HCN2: variants seen among roughly 807,000 people sequenced by gnomAD.
HCN2 encodes the protein potassium/sodium hyperpolarization-activated cyclic nucleotide-gated channel 2.
In HCN2, 20 loss-of-function variants were observed where a neutral mutation model predicts 52.3. The ratio of observed to expected loss-of-function variants is 0.38; its 90% confidence interval spans 0.27 to 0.56. The LOEUF (loss-of-function observed/expected upper bound fraction) is 0.56. Among genes scored for constraint, HCN2 ranks in the 20% least tolerant of loss-of-function variants. HCN2 has a pLI of 0.71. For synonymous variants in HCN2, 694 were observed against 537.0 expected (o/e 1.29, Z -4.04); for missense variants, 981 against 1,207.7 (o/e 0.81, Z 2.78).
intron 1 of HCN2, among the ~76,000 whole-genome samples, chr19:600,998 C>T (rs959471345): frequency 2.0e-5 from 3 of 152,142 alleles, no homozygotes; most frequent in African/African-American, 4.8e-5. Flanking sequence ...TCTGGATTGG[C>T]CTGTCCTGGA....
intron 1 of HCN2, among the ~76,000 whole-genome samples, chr19:593,192 C>T (rs1478236891): frequency 6.6e-6 from 1 of 152,220 alleles, no homozygotes; most frequent in Non-Finnish European, 1.5e-5. Context: ...CTCTTTCACG[C>T]CCCACGTCCC....
In HCN2 at chr19:613,704, C is replaced by CATGGGGAT. The variant is rs1983766377; in HGVS notation, c.1826-148_1826-147insATGGGGAT. 6 of 276,152 alleles carry CATGGGGAT rather than the reference C, an allele frequency of 2.2e-5. 1 individual carries two copies. Among genetic ancestry groups the CATGGGGAT allele is most frequent in the Non-Finnish European group, 2.8e-5 (6 of 217,124 alleles). 17.1% of individuals were successfully genotyped at this position (276,152 alleles called of 1,614,324 possible). A position where few individuals can be genotyped will look rare whatever the true frequency, so the allele number is the denominator to read the frequency against. On this transcript the variant is annotated intron_variant, in intron 6 of 7. Coordinates refer to ENST00000251287, the MANE Select transcript of HCN2 (RefSeq NM_001194.4). ...CCGGGGATGGGGCCGGGGATGGGGCCGGGGATGGGGCCGGGGCCGGCACCA... is the reference window on the plus strand; with the variant it reads ...CCGGGGATGGGGCCGGGGATGGGGCCATGGGGATGGGGATGGGGCCGGGGCCGGCACCA...
In HCN2 at chr19:590,234, A is replaced by G; in HGVS notation, c.289A>G (p.Ser97Gly). 1 of 988,802 alleles carries G rather than the reference A, an allele frequency of 1.0e-6. No individual in the cohort carries two copies. Among genetic ancestry groups the G allele is most frequent in the Non-Finnish European group, 1.2e-6 (1 of 833,986 alleles). 61.3% of individuals were successfully genotyped at this position (988,802 alleles called of 1,614,324 possible). A position where few individuals can be genotyped will look rare whatever the true frequency, so the allele number is the denominator to read the frequency against. The change falls in exon 1 of 8, where the codon AGC becomes GGC. Residue 97 changes from serine (S) to glycine (G), a missense_variant. Around this residue, in one of 6 missense-constraint regions of HCN2, gnomAD observed 215 missense variants for 179.4 expected, o/e 1.20. Transcript: ENST00000251287. This position sits in a 1 kb window ranked among gnomAD's most constrained non-coding sequence, Gnocchi z 7.2. ...TPGAASTAKG[S>G]PNGECGRGEP... ...GGGCGCGGCGAGCACGGCCAAGGGC[A>G]GCCCGAACGGCGAGTGCGGGCGCGG...
In HCN2 at chr19:610,185, A is replaced by G. The variant is rs1983565158; in HGVS notation, c.1438-74A>G. 6 of 1,509,424 alleles carry G rather than the reference A, an allele frequency of 4.0e-6. No homozygotes were observed. In the Admixed American group the frequency reaches 7.0e-5, roughly 18 times the overall value. 93.5% of individuals were successfully genotyped at this position (1,509,424 alleles called of 1,614,324 possible). A position where few individuals can be genotyped will look rare whatever the true frequency, so the allele number is the denominator to read the frequency against. ...GTCTGACCCAGCCTCGCCTCCCCAC[A>G]GTACAAGCAGGTGCCCCTGTGCCCG... On this transcript the variant is annotated intron_variant, in intron 4 of 7. Transcript: ENST00000251287.
intron 4 of HCN2, 39 bp downstream of exon 4, chr19:608,221 G>A: frequency 1.3e-6 from 2 of 1,578,674 alleles, no homozygotes; most frequent in Non-Finnish European, 1.7e-6. Flanking sequence ...TTCTGATGGG[G>A]GAGGCGGGCC....
Position 610,334 on chromosome 19 carries a change from G to A in HCN2, c.1513G>A (p.Glu505Lys), listed in dbSNP as rs780035363. ...DFRQKIHDYY[E>K]HRYQGKMFDE... is the part of the protein sequence containing the mutation. ...CCGCCAGAAGATCCACGACTACTAT[G>A]AGCACCGTTACCAGGGCAAGATGTT... The change falls in exon 5 of 8, where the codon GAG becomes AAG. Residue 505 changes from glutamate (E) to lysine (K), a missense_variant. Coordinates refer to ENST00000251287, the MANE Select transcript of HCN2 (RefSeq NM_001194.4). The A allele has an allele frequency of 6.2e-7, 1 of 1,613,838 alleles. No homozygotes were observed. The highest frequency in any genetic ancestry group is 8.5e-7 in the Non-Finnish European group (1 of 1,179,814).
At chr19:614,383 C>G (rs1983808511) in intron 7 of HCN2, among the ~76,000 whole-genome samples, 1 of 152,158 alleles carries the variant, frequency 6.6e-6, no homozygotes, top group African/African-American at 2.4e-5. Context: ...AGGGGACAGA[C>G]CCGGGGGCCC....
chr19:616,262 C>T lies in HCN2; in HGVS notation c.2458C>T (p.Leu820=). The T allele has an allele frequency of 1.9e-6, 2 of 1,032,860 alleles. No individual in the cohort carries two copies. Among genetic ancestry groups the T allele is most frequent in the Non-Finnish European group, 2.3e-6 (2 of 864,462 alleles). The allele number at this position is 1,032,860 out of a possible 1,614,324, so 64.0% of individuals were successfully genotyped here. Residue 820 remains leucine (L), a synonymous_variant, in exon 8 of 8, where the codon CTG becomes TTG. Transcript: ENST00000251287. ...CCGCCTGAGCCGCGCGTCGCGCCCA[C>T]TGTCCGCCTCGCAGCCCTCGCTGCC... is the stretch of plus-strand genomic sequence containing the variant. ...ARRLSRASRP[L]SASQPSLPHG... is the part of the protein sequence containing the mutation.
chr19:604,874 G>A (rs1234040028), intron 2 of HCN2, among the ~76,000 whole-genome samples, 187 bp from the exon 3 acceptor site: 2 of 130,830 alleles, frequency 1.5e-5, no homozygotes, highest in African/African-American at 3.0e-5. Flanking sequence ...TCCTGGGGTG[G>A]GGGCTGTGGG....
chr19:608,134 T>C lies in HCN2; in HGVS notation c.1389T>C (p.Thr463=). ...ACGCCATGTTCATCGGCCACGCCAC[T>C]GCCCTCATCCAGTCGCTGGACTCCT... ...TCYAMFIGHA[T]ALIQSLDSSR... is the part of the protein sequence containing the mutation. Residue 463 remains threonine (T), a synonymous_variant, in exon 4 of 8, where the codon ACT becomes ACC. Coordinates refer to ENST00000251287, the MANE Select transcript of HCN2 (RefSeq NM_001194.4). 2 of 1,613,286 alleles carry C rather than the reference T, an allele frequency of 1.2e-6. No individual in the cohort carries two copies. Among genetic ancestry groups the C allele is most frequent in the Non-Finnish European group, 1.7e-6 (2 of 1,180,006 alleles).
In HCN2 at chr19:617,015, G is replaced by A. The variant is rs8104005; in HGVS notation, c.*541G>A. 5.2e-4 allele frequency: 258 copies of A among 499,570 alleles called. No individual in the cohort carries two copies. Among genetic ancestry groups the A allele is most frequent in the African/African-American group, 4.6e-3 (238 of 51,822 alleles). The allele number at this position is 499,570 out of a possible 1,614,324, so 30.9% of individuals were successfully genotyped here. Reference sequence around the variant, plus strand: ...GGCACCGAGAGGCAGGCCTGGCTGCGCAGGGCGCGGGGGGGAGGCTGGGGT... The same window carrying A: ...GGCACCGAGAGGCAGGCCTGGCTGCACAGGGCGCGGGGGGGAGGCTGGGGT... On this transcript the variant is annotated 3_prime_UTR_variant, in exon 8 of 8. Transcript: ENST00000251287.
intron 1 of HCN2, among the ~76,000 whole-genome samples, chr19:603,042 C>T (rs112137307): frequency 0.012 from 601 of 48,404 alleles, no homozygotes; most frequent in African/African-American, 0.049. Flanking sequence ...GGGAAGGCAC[C>T]GGCCTGAGGT....
rs542652851 is a variant in HCN2, at chr19:615,779, G to A, written c.1991-16G>A. 1.9e-6 allele frequency: 3 copies of A among 1,609,976 alleles called. No homozygotes were observed. Among genetic ancestry groups the A allele is most frequent in the East Asian group, 2.2e-5 (1 of 44,742 alleles). On this transcript the variant is annotated splice_polypyrimidine_tract_variant and intron_variant, in intron 7 of 7. Coordinates refer to ENST00000251287, the MANE Select transcript of HCN2 (RefSeq NM_001194.4). ...AGGCGCTCCCTGTGCACACGCTAACGCCCCCTCTCCCGCAGGCAAGAAGAA... is the reference window on the plus strand; with the variant it reads ...AGGCGCTCCCTGTGCACACGCTAACACCCCCTCTCCCGCAGGCAAGAAGAA...
In HCN2 at chr19:610,150, T is replaced by C. The variant is rs575386964; in HGVS notation, c.1438-109T>C. The C allele has an allele frequency of 1.6e-4, 206 of 1,312,764 alleles. No individual in the cohort carries two copies. In the African/African-American group the frequency reaches 1.8e-3, roughly 11 times the overall value. 81.3% of individuals were successfully genotyped at this position (1,312,764 alleles called of 1,614,324 possible). A position where few individuals can be genotyped will look rare whatever the true frequency, so the allele number is the denominator to read the frequency against. On this transcript the variant is annotated intron_variant, in intron 4 of 7. Transcript: ENST00000251287. ...AGGTGCCCGTGTGCCCGCTGCAGGC[T>C]GGGGGCGGTGTCTGACCCAGCCTCG...
At chr19:597,576 C>CGGTTTCTAGGTCCTCCTGGT (rs1222076124) in intron 1 of HCN2, among the ~76,000 whole-genome samples, 6 of 144,360 alleles carry the variant, frequency 4.2e-5, no homozygotes, top group African/African-American at 1.4e-4. Flanking sequence ...ATCTCCTTGG[C>CGGTTTCTAGGTCCTCCTGGT]GGTTTCTAGG....
chr19:613,191 C>G (rs1302928177), intron 5 of HCN2, 57 bp from the exon 6 acceptor site: 2 of 1,544,208 alleles, frequency 1.3e-6, no homozygotes, highest in Non-Finnish European at 1.7e-6. Context: ...AGAGGCAGGG[C>G]GAGGGGGAAG....
intron 1 of HCN2, among the ~76,000 whole-genome samples, chr19:599,695 A>G (rs930228808): frequency 2.0e-5 from 3 of 151,784 alleles, no homozygotes; most frequent in Non-Finnish European, 4.4e-5. Context: ...GGGTGAGGCA[A>G]GAGAATGGTG....
At chr19:613,102 G>A (rs902500552) in intron 5 of HCN2, 146 bp from the exon 6 acceptor site, 3 of 1,086,462 alleles carry the variant, frequency 2.8e-6, no homozygotes, top group Non-Finnish European at 2.6e-6. Flanking sequence ...GTCCTTGGCG[G>A]CAGCAGCTCG....
rs940169018 is a variant in HCN2 at position 617,052 on chromosome 19, G to A, written c.*578G>A. 8.9e-6 allele frequency: 5 copies of A among 560,030 alleles called. No individual in the cohort carries two copies. The highest frequency in any genetic ancestry group is 3.8e-5 in the African/African-American group (2 of 53,064). 34.7% of individuals were successfully genotyped at this position (560,030 alleles called of 1,614,324 possible). A position where few individuals can be genotyped will look rare whatever the true frequency, so the allele number is the denominator to read the frequency against. On this transcript the variant is annotated 3_prime_UTR_variant, in exon 8 of 8. Coordinates refer to ENST00000251287, the MANE Select transcript of HCN2 (RefSeq NM_001194.4). ...GGGGAGGCTGGGGTCCCGCCGCCGT[G>A]ATGAATGTACTGACGAGCCGAGGCA...
Sources: allele counts gnomAD v4.1 joint callset (sites outside exome capture counted in the v4.1 genomes callset), GRCh38; gene constraint gnomAD v4.1.1; regional missense constraint gnomAD v4.1.1; non-coding constraint Gnocchi (gnomAD v3.1); transcripts MANE v1.5; gene names NCBI Gene and HGNC (gene_info 2026-07-23, HGNC 2026-07-21).